The following CATSPER1 variants were observed in gnomAD, a reference collection of about 807,000 sequenced individuals.
CATSPER1 encodes the protein cation channel sperm associated 1.
Under a neutral mutation model 72.7 loss-of-function variants are expected in CATSPER1, and 57 were observed. The ratio of observed to expected loss-of-function variants is 0.78; its 90% CI spans 0.63 to 0.98. The LOEUF (loss-of-function observed/expected upper bound fraction) is 0.98, where lower values mean the gene tolerates loss of function less well. CATSPER1 is among the 50% of genes least tolerant of loss of function. CATSPER1 has a pLI of 0.00. For synonymous variants in CATSPER1, 363 were observed against 403.0 expected (o/e 0.90, Z 1.19); for missense variants, 910 against 1,033.9 (o/e 0.88, Z 1.64).
rs199848950 is a variant in CATSPER1, at chr11:66,025,432, G to T, written c.948C>A (p.Gly316=). The change falls in exon 1 of 12, where the codon GGC becomes GGA. Residue 316 remains glycine, a synonymous_variant. Coordinates refer to ENST00000312106, the MANE Select transcript of CATSPER1 (RefSeq NM_053054.4). Reference sequence around the variant, plus strand: ...GTTGGGAAGTGCTCTGGACGTAGTCGCCATGGAGGTAACTGGAATGATACG... The same window carrying T: ...GTTGGGAAGTGCTCTGGACGTAGTCTCCATGGAGGTAACTGGAATGATACG... ...HGAYHSSYLH[G]DYVQSTSQLS... is the part of the protein sequence containing the mutation. 4 of 1,613,860 alleles carry T rather than the reference G, an allele frequency of 2.5e-6. No individual in the cohort carries two copies. Among genetic ancestry groups the T allele is most frequent in the Non-Finnish European group, 8.5e-7 (1 of 1,179,984 alleles).
Position 66,022,977 on chromosome 11 carries a change from T to A in CATSPER1, c.1301A>T (p.Gln434Leu). The part of the protein sequence containing the change: ...WLWEKLTFLI[Q>L]GFREMIRNLT... Reference sequence around the variant, plus strand: ...GTTCCGGATCATTTCCCGGAAGCCCTGAATGAGGAAGGTTAGCTTTTCCCA... The same window carrying A: ...GTTCCGGATCATTTCCCGGAAGCCCAGAATGAGGAAGGTTAGCTTTTCCCA... The change falls in exon 2 of 12, where the codon CAG (glutamine) becomes CTG (leucine). Residue 434 changes from glutamine to leucine, a missense_variant. Transcript: ENST00000312106. The A allele has an allele frequency of 6.2e-7, 1 of 1,614,200 alleles. No homozygotes were observed. Among genetic ancestry groups the A allele is most frequent in the East Asian group, 2.2e-5 (1 of 44,890 alleles).
At position 66,022,937 on chromosome 11, in the gene CATSPER1, C is replaced by T. The variant is rs1856407592; in HGVS notation, c.1341G>A (p.Leu447=). The part of the protein sequence containing the change: ...REMIRNLTQS[L]AFETFIFFVV... The stretch of plus-strand genomic sequence containing the variant: ...CGAAGAAGATGAAAGTTTCAAAGGC[C>T]AAGGATTGGGTCAGGTTCCGGATCA... Residue 447 remains leucine (L), a synonymous_variant, in exon 2 of 12, where the codon TTG becomes TTA. Coordinates refer to ENST00000312106, the MANE Select transcript of CATSPER1 (RefSeq NM_053054.4). 6.2e-7 allele frequency: 1 copy of T among 1,614,108 alleles called. No individual in the cohort carries two copies. The highest frequency in any genetic ancestry group is 8.5e-7 in the Non-Finnish European group (1 of 1,180,056).
rs1358086834 is a variant in CATSPER1, at chr11:66,022,248, G to A, written c.1430-369C>T. Among the ~76,000 whole-genome samples the A allele has an allele frequency of 3.3e-5, 5 of 152,304 alleles. No individual in the cohort carries two copies. The South Asian group carries it at 6.2e-4, about 19-fold the overall frequency. On this transcript the variant is annotated intron_variant, in intron 2 of 11. Coordinates refer to ENST00000312106, the MANE Select transcript of CATSPER1 (RefSeq NM_053054.4). ...CCAGCTACTTGGGAGGCTGAGGCAG[G>A]AGAATCACTTGAACCCGGGAGGCGG...
Position 66,017,194 on chromosome 11 carries a change from T to TGGGGGGGGGGGGGGGGGGGGGGGGGGCCC in CATSPER1, c.2202-21_2202-20insGGGCCCCCCCCCCCCCCCCCCCCCCCCCC. ...TGCTGCCTGCGGGTGGGCGGGGGGG[T>TGGGGGGGGGGGGGGGGGGGGGGGGGGCCC]CGCAGAGACAGGGGCTGGGCTGACC... On this transcript the variant is annotated intron_variant, in intron 10 of 11. Coordinates refer to ENST00000312106, the MANE Select transcript of CATSPER1 (RefSeq NM_053054.4). The TGGGGGGGGGGGGGGGGGGGGGGGGGGCCC allele has an allele frequency of 9.1e-6, 5 of 550,240 alleles. No homozygotes were observed. The highest frequency in any genetic ancestry group is 5.6e-4 in the Middle Eastern group (1 of 1,782). 34.1% of individuals were successfully genotyped at this position (550,240 alleles called of 1,614,324 possible).
chr11:66,021,015 C>T (rs1856356004), intron 5 of CATSPER1, 61 bp from the exon 6 acceptor site: 1 of 1,611,048 alleles, frequency 6.2e-7, no homozygotes, highest in Admixed American at 1.7e-5. Flanking sequence ...GCCCCTCGTC[C>T]TGCCCCATCC....
intron 2 of CATSPER1, among the ~76,000 whole-genome samples, chr11:66,022,635 A>G (rs549183937): frequency 6.6e-4 from 101 of 152,114 alleles, no homozygotes; most frequent in African/African-American, 2.4e-3. Context: ...CGCGAACAGC[A>G]CCGCCTCCCG....
At position 66,025,990 on chromosome 11, in the gene CATSPER1, G is replaced by A. The variant is rs752836086; in HGVS notation, c.390C>T (p.Ser130=). Residue 130 remains serine, a synonymous_variant, in exon 1 of 12, where the codon TCC becomes TCT. Transcript: ENST00000312106. ...QRDGRRHHDG[S]QYGGFHQQSD... ...TCTGCTGATGGAACCCACCGTATTG[G>A]GACCCATCATGATGCCTCCTGCCAT... 1 of 1,613,912 alleles carries A rather than the reference G, an allele frequency of 6.2e-7. No individual in the cohort carries two copies. The highest frequency in any genetic ancestry group is 1.1e-5 in the South Asian group (1 of 91,060).
At chr11:66,022,444 C>T (rs139176775) in intron 2 of CATSPER1, among the ~76,000 whole-genome samples, 1 of 152,276 alleles carries the variant, frequency 6.6e-6, no homozygotes, top group African/African-American at 2.4e-5. Flanking sequence ...GACAGCGAGC[C>T]GGGCAGCTCC....
chr11:66,025,781 C>G lies in CATSPER1; in HGVS notation c.599G>C (p.Ser200Thr). The G allele has an allele frequency of 6.2e-7, 1 of 1,613,428 alleles. No individual in the cohort carries two copies. Among genetic ancestry groups the G allele is most frequent in the Admixed American group, 1.7e-5 (1 of 59,974 alleles). ...CTGGGACTCATCGTGTTGGAGCCCG[C>G]TAAGGTGGGAAGCCTCGCTGTGGTG... Reference protein sequence around the residue: ...SFHHSEASHLSGLQHDESQHH... With the variant: ...SFHHSEASHLTGLQHDESQHH... Residue 200 changes from serine (S) to threonine (T), a missense_variant, in exon 1 of 12, where the codon AGC (serine) becomes ACC (threonine). Ser to Thr is a moderately conservative substitution (Grantham distance 58). Transcript: ENST00000312106.
At chr11:66,021,243 T>G in intron 4 of CATSPER1, 58 bp from the exon 5 acceptor site, 5 of 1,510,692 alleles carry the variant, frequency 3.3e-6, no homozygotes, top group Non-Finnish European at 4.5e-6. Flanking sequence ...TGTGTGTCTC[T>G]GCCCAGCAGC....
At position 66,021,178 on chromosome 11, in the gene CATSPER1, T is replaced by A. The variant is rs757275539; in HGVS notation, c.1699A>T (p.Thr567Ser). 1 of 1,612,424 alleles carries A rather than the reference T, an allele frequency of 6.2e-7. No homozygotes were observed. Among genetic ancestry groups the A allele is most frequent in the Non-Finnish European group, 8.5e-7 (1 of 1,179,418 alleles). The change falls in exon 5 of 12, where the codon ACC (threonine) becomes TCC (serine). Residue 567 changes from threonine to serine, a missense_variant. Physicochemically the swap from Thr to Ser is moderately conservative, Grantham distance 58 (BLOSUM62 1). Transcript: ENST00000312106. ...GTCCCTGTCACTTCCTGGACGCTGGTCAGGAAGCTGTGGGCAGAAGGAGTG... is the reference window on the plus strand; with the variant it reads ...GTCCCTGTCACTTCCTGGACGCTGGACAGGAAGCTGTGGGCAGAAGGAGTG... ...IRVLRRLSFL[T>S]SVQEVTGTLG...
At position 66,020,873 on chromosome 11, in the gene CATSPER1, G is replaced by T; in HGVS notation, c.1865C>A (p.Thr622Asn). 1 of 1,614,010 alleles carries T rather than the reference G, an allele frequency of 6.2e-7. No individual in the cohort carries two copies. The highest frequency in any genetic ancestry group is 8.5e-7 in the Non-Finnish European group (1 of 1,180,022). ...ATCCAGCGTGAGCAAGGTGAAGAGG[G>T]TGAAGATGGTGGTGAAGATGTTCTG... ...RFQNIFTTIF[T>N]LFTLLTLDDW... The change falls in exon 6 of 12, where the codon ACC becomes AAC. Residue 622 changes from threonine (T) to asparagine (N), a missense_variant. By Grantham distance (65) the Thr-to-Asn change is moderately conservative. Transcript: ENST00000312106. This position sits in a 1 kb window ranked among gnomAD's most constrained non-coding sequence, Gnocchi z 4.5.
At position 66,021,608 on chromosome 11, in the gene CATSPER1, A is replaced by G; in HGVS notation, c.1579T>C (p.Leu527=). ...FIMAMAVLDF[L]LMQTHSFAIY... ...GCGAAGGAGTGGGTCTGCATCAGCA[A>G]GAAGTCCAGCACGGCCATGGCCATA... The change falls in exon 4 of 12, where the codon TTG becomes CTG. Residue 527 remains leucine (L), a synonymous_variant. Coordinates refer to ENST00000312106, the MANE Select transcript of CATSPER1 (RefSeq NM_053054.4). 3 of 1,610,922 alleles carry G rather than the reference A, an allele frequency of 1.9e-6. No homozygotes were observed. Among genetic ancestry groups the G allele is most frequent in the Non-Finnish European group, 2.5e-6 (3 of 1,178,516 alleles).
In CATSPER1 at chr11:66,021,809, G is replaced by A. The variant is rs750177081; in HGVS notation, c.1500C>T (p.Ile500=). 3.1e-6 allele frequency: 5 copies of A among 1,614,034 alleles called. No homozygotes were observed. The highest frequency in any genetic ancestry group is 2.7e-5 in the African/African-American group (2 of 74,916). Residue 500 remains isoleucine (I), a synonymous_variant, in exon 3 of 12, where the codon ATC becomes ATT. Transcript: ENST00000312106. ...IYVVEALLKI[I]ALGLSYFFDF... is the part of the protein sequence containing the mutation. The stretch of plus-strand genomic sequence containing the variant: ...CAAAGAAGTACGAGAGGCCCAGGGC[G>A]ATGATCTTGAGCAGGGCTTCCACCA...
In CATSPER1 at chr11:66,025,836, G is replaced by C; in HGVS notation, c.544C>G (p.His182Asp). 6.2e-7 allele frequency: 1 copy of C among 1,613,078 alleles called. No homozygotes were observed. The highest frequency in any genetic ancestry group is 8.5e-7 in the Non-Finnish European group (1 of 1,179,672). ...ASHHGGSYLPHGPNPYSESFH... is the reference protein window; with the variant it reads ...ASHHGGSYLPDGPNPYSESFH... ...GACTCACTGTAGGGATTGGGTCCAT[G>C]GGGGAGGTAGGACCCACCATGGTGG... Residue 182 changes from histidine (H) to aspartate (D), a missense_variant, in exon 1 of 12, where the codon CAT (histidine) becomes GAT (aspartate). Coordinates refer to ENST00000312106, the MANE Select transcript of CATSPER1 (RefSeq NM_053054.4).
intron 9 of CATSPER1, 137 bp from the exon 10 acceptor site, chr11:66,019,039 G>T: frequency 1.4e-6 from 1 of 724,310 alleles, no homozygotes; most frequent in South Asian, 1.5e-5. Context: ...CGGGCATGCA[G>T]CACGATGCAG....
rs201995050 is a variant in CATSPER1, at chr11:66,020,202, T to A, written c.2065-2A>T. 1 of 1,613,910 alleles carries A rather than the reference T, an allele frequency of 6.2e-7. No homozygotes were observed. Among genetic ancestry groups the A allele is most frequent in the Non-Finnish European group, 8.5e-7 (1 of 1,180,014 alleles). On this transcript the variant is annotated splice_acceptor_variant, in intron 8 of 11. Coordinates refer to ENST00000312106, the MANE Select transcript of CATSPER1 (RefSeq NM_053054.4). LOFTEE classifies it high-confidence loss of function. The surrounding 1 kb of genome is among the most constrained non-coding windows in gnomAD (Gnocchi z 4.5). The stretch of plus-strand genomic sequence containing the variant: ...CTTCTCTTGGATCCGGGCGGCCCTC[T>A]GGGAAGAAGAGGCCTCAGATCTGCC...
At chr11:66,018,722 C>T (rs528824774) in intron 10 of CATSPER1, 105 bp downstream of exon 10, 7 of 1,262,764 alleles carry the variant, frequency 5.5e-6, no homozygotes, top group Non-Finnish European at 8.0e-6. Context: ...AGCGCTCCAT[C>T]CCCTTCTAGA....
intron 1 of CATSPER1, among the ~76,000 whole-genome samples, chr11:66,024,862 A>G (rs899920519): frequency 6.6e-6 from 1 of 152,162 alleles, no homozygotes; most frequent in African/African-American, 2.4e-5. Flanking sequence ...ATTTTTCCCC[A>G]TGCTGCCATG....
Sources: gnomAD v4.1 joint callset for allele counts (sites outside exome capture counted in the v4.1 genomes callset) on GRCh38, gnomAD v4.1.1 for gene constraint, Gnocchi (gnomAD v3.1) non-coding constraint, MANE v1.5 for transcripts, NCBI Gene and HGNC (gene_info 2026-07-23, HGNC 2026-07-21) for gene names.